MNT: variants seen among roughly 807,000 people sequenced by gnomAD.
The protein encoded by MNT is MAX network transcriptional repressor.
In MNT, 13 loss-of-function variants were observed where a neutral mutation model predicts 40.7. The ratio of observed to expected loss-of-function variants is 0.32; its 90% confidence interval spans 0.21 to 0.51. MNT has a LOEUF of 0.51. Ranked by LOEUF, MNT falls within the 20% of genes least tolerant of loss-of-function variation. The pLI is 0.98. For synonymous variants in MNT, 426 were observed against 354.8 expected (o/e 1.20, Z -2.26); for missense variants, 757 against 792.0 (o/e 0.96, Z 0.53).
Position 2,387,285 on chromosome 17 carries a change from C to T in MNT, c.1365G>A (p.Val455=), listed in dbSNP as rs1175570145. Residue 455 remains valine, a synonymous_variant, in exon 6 of 6, where the codon GTG becomes GTA. Transcript: ENST00000174618. Reference sequence around the variant, plus strand: ...CGCCTGGCCCCTGCAGAACGTGGTTCACAGTCTGGATGACTGAAGCGTGAG... The same window carrying T: ...CGCCTGGCCCCTGCAGAACGTGGTTTACAGTCTGGATGACTGAAGCGTGAG... ...ATTHASVIQT[V]NHVLQGPGGK... The T allele has an allele frequency of 6.2e-7, 1 of 1,613,428 alleles. No individual in the cohort carries two copies. Among genetic ancestry groups the T allele is most frequent in the South Asian group, 1.1e-5 (1 of 90,894 alleles).
At chr17:2,392,421 T>C (rs2066524912) in intron 4 of MNT, among the ~76,000 whole-genome samples, 1 of 152,150 alleles carries the variant, frequency 6.6e-6, no homozygotes. Context: ...TCCGATTCAT[T>C]TCCAAACCCA....
At position 2,387,269 on chromosome 17, in the gene MNT, C is replaced by A; in HGVS notation, c.1381G>T (p.Gly461Trp). Residue 461 changes from glycine to tryptophan, a missense_variant, in exon 6 of 6, where the codon GGG (glycine) becomes TGG (tryptophan). Physicochemically the swap from Gly to Trp is radical, Grantham distance 184. Around this residue, in one of 4 missense-constraint regions of MNT, gnomAD observed 345 missense variants for 380.1 expected, o/e 0.91. Coordinates refer to ENST00000174618, the MANE Select transcript of MNT (RefSeq NM_020310.3). ...TGGGCGATGTGCTTGCCGCCTGGCC[C>A]CTGCAGAACGTGGTTCACAGTCTGG... ...VIQTVNHVLQ[G>W]PGGKHIAHIA... 1.2e-6 allele frequency: 2 copies of A among 1,613,226 alleles called. No individual in the cohort carries two copies. Among genetic ancestry groups the A allele is most frequent in the Non-Finnish European group, 1.7e-6 (2 of 1,179,698 alleles).
rs1185281329 is a variant in MNT, at chr17:2,394,861, C to T, written c.653+14G>A. The T allele has an allele frequency of 6.4e-7, 1 of 1,556,394 alleles. No homozygotes were observed. Among genetic ancestry groups the T allele is most frequent in the African/African-American group, 1.4e-5 (1 of 73,544 alleles). On this transcript the variant is annotated intron_variant, in intron 2 of 5. Coordinates refer to ENST00000174618, the MANE Select transcript of MNT (RefSeq NM_020310.3). The stretch of plus-strand genomic sequence containing the variant: ...CTATCCCCCACCAGCCCGACCCCGC[C>T]ACACCCCACTCACCCCCCGGGCCTC...
In MNT at chr17:2,398,715, G is replaced by T. The variant is rs114959800; in HGVS notation, c.73+1925C>A. ...ACTCGAACTGCAACGTGTTGATGGCGGCAGCAGGTGACTTAATCTCTCCGA... is the reference window on the plus strand; with the variant it reads ...ACTCGAACTGCAACGTGTTGATGGCTGCAGCAGGTGACTTAATCTCTCCGA... On this transcript the variant is annotated intron_variant, in intron 1 of 5. Coordinates refer to ENST00000174618, the MANE Select transcript of MNT (RefSeq NM_020310.3). 2.3e-3 allele frequency among the ~76,000 whole-genome samples: 343 copies of T among 152,306 alleles called. 1 individual carries two copies. The highest frequency in any genetic ancestry group is 8.0e-3 in the African/African-American group (331 of 41,572).
At chr17:2,394,382 G>C (rs780801455) in intron 2 of MNT, 36 bp from the exon 3 acceptor site, 2 of 1,612,478 alleles carry the variant, frequency 1.2e-6, no homozygotes, top group Non-Finnish European at 1.7e-6. Flanking sequence ...CAGGGAGGAG[G>C]ACTCGATTAG....
chr17:2,386,778 G>A lies in MNT; in HGVS notation c.*123C>T. 9.6e-7 allele frequency: 1 copy of A among 1,042,874 alleles called. No individual in the cohort carries two copies. The highest frequency in any genetic ancestry group is 1.3e-6 in the Non-Finnish European group (1 of 747,830). 64.6% of individuals were successfully genotyped at this position (1,042,874 alleles called of 1,614,324 possible). ...GTCTTTGCACCCCCTTCCCCTAGGAGGCCTGGGGGTGGGTGGGGGGGCTGG... is the reference window on the plus strand; with the variant it reads ...GTCTTTGCACCCCCTTCCCCTAGGAAGCCTGGGGGTGGGTGGGGGGGCTGG... On this transcript the variant is annotated 3_prime_UTR_variant, in exon 6 of 6. Coordinates refer to ENST00000174618, the MANE Select transcript of MNT (RefSeq NM_020310.3).
chr17:2,398,739 G>T (rs1003566358), intron 1 of MNT, among the ~76,000 whole-genome samples: 3 of 152,176 alleles, frequency 2.0e-5, no homozygotes, highest in African/African-American at 7.2e-5. Context: ...TAATCTCTCC[G>T]AACCTTGTGC....
chr17:2,384,397 TGGG>T lies in MNT; in HGVS notation c.*2501_*2503del, dbSNP rs3833112. 7.7e-4 allele frequency: 118 copies of T among 152,318 alleles called. 2 individuals are homozygous for T. Among genetic ancestry groups the T allele is most frequent in the East Asian group, 2.3e-3 (12 of 5,166 alleles). The allele number at this position is 152,318 out of a possible 1,614,324, so 9.4% of individuals were successfully genotyped here. On this transcript the variant is annotated 3_prime_UTR_variant, in exon 6 of 6. Coordinates refer to ENST00000174618, the MANE Select transcript of MNT (RefSeq NM_020310.3). ...GGGGGTTGGGGGTGGGACCCTGGGATGGGGGGAGAAGCAGCTGTTTCTGGAGAG... is the reference window on the plus strand; with the variant it reads ...GGGGGTTGGGGGTGGGACCCTGGGATGGGAGAAGCAGCTGTTTCTGGAGAG...
chr17:2,387,979 T>C lies in MNT; in HGVS notation c.878A>G (p.Gln293Arg). ...ERLAREKIAT[Q>R]QRLAELKHEL... ...GTGCTTGAGCTCTGCCAGCCGCTGC[T>C]GCGTGGCAATCTTCTCACGTGCCAG... Residue 293 changes from glutamine (Q) to arginine (R), a missense_variant, in exon 5 of 6, where the codon CAG becomes CGG. Coordinates refer to ENST00000174618, the MANE Select transcript of MNT (RefSeq NM_020310.3). 2 of 1,592,146 alleles carry C rather than the reference T, an allele frequency of 1.3e-6. No individual in the cohort carries two copies. Among genetic ancestry groups the C allele is most frequent in the Non-Finnish European group, 1.7e-6 (2 of 1,168,136 alleles).
At chr17:2,395,492 G>A (rs1388572230) in intron 1 of MNT, 38 bp from the exon 2 acceptor site, 37 of 1,604,682 alleles carry the variant, frequency 2.3e-5, no homozygotes, top group African/African-American at 4.0e-5. Context: ...GGGTCTCAGC[G>A]GGGCCCCAGA....
rs1210847048 is a variant in MNT at position 2,385,788 on chromosome 17, G to A, written c.*1113C>T. ...GGTCCCAGGGTTGGTCTGGGGACAG[G>A]CTTAGGGCTTGGCTAAGCCGCTGGG... On this transcript the variant is annotated 3_prime_UTR_variant, in exon 6 of 6. Transcript: ENST00000174618. The A allele has an allele frequency of 6.6e-6, 1 of 152,294 alleles. No homozygotes were observed. Among genetic ancestry groups the A allele is most frequent in the Non-Finnish European group, 1.5e-5 (1 of 68,074 alleles). The allele number at this position is 152,294 out of a possible 1,614,324, so 9.4% of individuals were successfully genotyped here. A position where few individuals can be genotyped will look rare whatever the true frequency, so the allele number is the denominator to read the frequency against.
Position 2,386,844 on chromosome 17 carries a change from A to T in MNT, c.*57T>A, listed in dbSNP as rs541163664. On this transcript the variant is annotated 3_prime_UTR_variant, in exon 6 of 6. Transcript: ENST00000174618. ...AATGTGTGGAGCTGGTGGGTGAGAG[A>T]GTGGGGGACAGGTCCCCCTCCCTGT... is the stretch of plus-strand genomic sequence containing the variant. The T allele has an allele frequency of 8.5e-6, 12 of 1,412,322 alleles. No individual in the cohort carries two copies. In the East Asian group the frequency reaches 2.9e-4, roughly 34 times the overall value. The allele number at this position is 1,412,322 out of a possible 1,614,324, so 87.5% of individuals were successfully genotyped here.
In MNT at chr17:2,394,048, T is replaced by G; in HGVS notation, c.802A>C (p.Ile268Leu). 6.3e-7 allele frequency: 1 copy of G among 1,595,860 alleles called. No individual in the cohort carries two copies. The highest frequency in any genetic ancestry group is 8.5e-7 in the Non-Finnish European group (1 of 1,172,514). The stretch of plus-strand genomic sequence containing the variant: ...CCGGCCTCCGGGCCCCATACCTGGA[T>G]GTACCGCAGCGCCGTCCGCAGCACG... ...LSVLRTALRY[I>L]QSLKRKEKEY... The change falls in exon 4 of 6, where the codon ATC becomes CTC. Residue 268 changes from isoleucine (I) to leucine (L), a missense_variant. Ile to Leu is a conservative substitution (Grantham distance 5). Coordinates refer to ENST00000174618, the MANE Select transcript of MNT (RefSeq NM_020310.3).
chr17:2,399,698 C>T (rs2151673136), intron 1 of MNT, among the ~76,000 whole-genome samples: 1 of 152,256 alleles, frequency 6.6e-6, no homozygotes, highest in Non-Finnish European at 1.5e-5. Context: ...GGGGCCGGGC[C>T]GCGCCGTCCC....
intron 1 of MNT, among the ~76,000 whole-genome samples, chr17:2,399,224 G>A (rs1011701696): frequency 5.9e-5 from 9 of 152,098 alleles, no homozygotes; most frequent in African/African-American, 1.9e-4. Context: ...CCGTTCCAGA[G>A]CCGAGGCCCT....
intron 4 of MNT, among the ~76,000 whole-genome samples, chr17:2,393,165 C>A (rs1354745274): frequency 7.5e-6 from 1 of 133,950 alleles, no homozygotes; most frequent in African/African-American, 2.6e-5. Context: ...GGGCTGGGAG[C>A]CCCACGTCCC....
Position 2,387,282 on chromosome 17 carries a change from G to A in MNT, c.1368C>T (p.Asn456=), listed in dbSNP as rs767557326. Residue 456 remains asparagine, a synonymous_variant, in exon 6 of 6, where the codon AAC becomes AAT. Transcript: ENST00000174618. ...TTHASVIQTV[N]HVLQGPGGKH... ...TGCCGCCTGGCCCCTGCAGAACGTGGTTCACAGTCTGGATGACTGAAGCGT... is the reference window on the plus strand; with the variant it reads ...TGCCGCCTGGCCCCTGCAGAACGTGATTCACAGTCTGGATGACTGAAGCGT... 8.7e-6 allele frequency: 14 copies of A among 1,613,458 alleles called. 1 individual carries two copies. In the South Asian group the frequency reaches 1.5e-4, roughly 18 times the overall value.
intron 1 of MNT, among the ~76,000 whole-genome samples, chr17:2,397,461 T>C (rs1037778914): frequency 2.0e-5 from 3 of 152,078 alleles, no homozygotes; most frequent in Non-Finnish European, 4.4e-5. Flanking sequence ...CCACTCTTTA[T>C]AGGCAGAGGA....
Position 2,395,177 on chromosome 17 carries a change from C to T in MNT, c.351G>A (p.Ala117=), listed in dbSNP as rs144053095. Residue 117 remains alanine, a synonymous_variant, in exon 2 of 6, where the codon GCG becomes GCA. Coordinates refer to ENST00000174618, the MANE Select transcript of MNT (RefSeq NM_020310.3). ...LPAAAQPLPL[A]PRQPALVGAP... ...CGCCAACCAGGGCCGGCTGACGAGG[C>T]GCCAGGGGCAGAGGCTGGGCTGCCG... 1,846 of 1,442,252 alleles carry T rather than the reference C, an allele frequency of 1.3e-3. 22 individuals are homozygous for T. In the African/African-American group the frequency reaches 0.023, roughly 18 times the overall value. The allele number at this position is 1,442,252 out of a possible 1,614,324, so 89.3% of individuals were successfully genotyped here. A position where few individuals can be genotyped will look rare whatever the true frequency, so the allele number is the denominator to read the frequency against.
Sources: gnomAD v4.1 joint callset for allele counts (sites outside exome capture counted in the v4.1 genomes callset) on GRCh38, gnomAD v4.1.1 for gene constraint, gnomAD v4.1.1 regional missense constraint, MANE v1.5 for transcripts, NCBI Gene and HGNC (gene_info 2026-07-23, HGNC 2026-07-21) for gene names.